The following ABCA4 variants were observed in gnomAD, a reference collection of about 807,000 sequenced individuals.
The protein encoded by ABCA4 is ATP binding cassette subfamily A member 4, also known as retinal-specific phospholipid-transporting ATPase ABCA4.
In ABCA4, 196 loss-of-function variants were observed where a neutral mutation model predicts 263.7. That is an observed-to-expected ratio of 0.74 (90% CI 0.66 to 0.84). The LOEUF (loss-of-function observed/expected upper bound fraction) is 0.84, where lower values mean the gene tolerates loss of function less well. Ranked by LOEUF, ABCA4 falls within the 40% of genes least tolerant of loss-of-function variation. The pLI, the probability that ABCA4 is intolerant of heterozygous loss-of-function variation, is 0.00. For synonymous variants in ABCA4, 1,133 were observed against 1,094.2 expected (o/e 1.04, Z -0.70); for missense variants, 2,792 against 2,855.1 (o/e 0.98, Z 0.50).
intron 14 of ABCA4, among the ~76,000 whole-genome samples, chr1:94,058,287 T>C (rs1291611276): frequency 6.6e-6 from 1 of 152,264 alleles, no homozygotes; most frequent in Non-Finnish European, 1.5e-5. Flanking sequence ...AGTCCATGGC[T>C]GAACATGTGG....
chr1:94,104,818 T>A (rs1208756925), intron 4 of ABCA4, among the ~76,000 whole-genome samples: 1 of 152,116 alleles, frequency 6.6e-6, no homozygotes, highest in African/African-American at 2.4e-5. Flanking sequence ...AAAACATAAA[T>A]CCGGCTGTCT....
chr1:94,030,862 G>A, intron 28 of ABCA4, 134 bp downstream of exon 28: 2 of 1,342,280 alleles, frequency 1.5e-6, no homozygotes, highest in Admixed American at 3.9e-5. Flanking sequence ...CTTTCTGCAG[G>A]CAGCCCAAAG....
rs758431657 is a variant in ABCA4 at position 94,008,245 on chromosome 1, C to T, written c.5888G>A (p.Arg1963His). 2.0e-5 allele frequency: 32 copies of T among 1,613,972 alleles called. No individual in the cohort carries two copies. The highest frequency in any genetic ancestry group is 3.3e-4 in the Middle Eastern group (2 of 6,084). The change falls in exon 42 of 50, where the codon CGC becomes CAC. Residue 1963 changes from arginine to histidine, a missense_variant. By Grantham distance (29) the Arg-to-His change is conservative. Transcript: ENST00000370225. ...PAVDRLCVGV[R>H]PGECFGLLGV... is the part of the protein sequence containing the mutation. ...CTGCAGAGTACCCACCTCTCCAGGG[C>T]GAACTCCGACACACAGCCTGTCCAC...
At position 94,029,521 on chromosome 1, in the gene ABCA4, C is replaced by T. The variant is rs61750147; in HGVS notation, c.4463G>A (p.Cys1488Tyr). The change falls in exon 30 of 50, where the codon TGC (cysteine) becomes TAC (tyrosine). Residue 1488 changes from cysteine to tyrosine, a missense_variant. Coordinates refer to ENST00000370225, the MANE Select transcript of ABCA4 (RefSeq NM_000350.3). ...GAGCTTCTCCCTGGTGCTGCACCTGCAGGATGGTGAAGGGTTGACCTGTGT... is the reference window on the plus strand; with the variant it reads ...GAGCTTCTCCCTGGTGCTGCACCTGTAGGATGGTGAAGGGTTGACCTGTGT... ...KWTQVNPSPS[C>Y]RCSTREKLTM... The T allele has an allele frequency of 2.5e-6, 4 of 1,608,892 alleles. No homozygotes were observed. Among genetic ancestry groups the T allele is most frequent in the Non-Finnish European group, 3.4e-6 (4 of 1,177,484 alleles).
At chr1:94,029,280 C>T (rs952274212) in intron 30 of ABCA4, among the ~76,000 whole-genome samples, 165 bp downstream of exon 30, 13 of 152,154 alleles carry the variant, frequency 8.5e-5, no homozygotes, top group African/African-American at 3.1e-4. Context: ...AGCCACAGCG[C>T]CCTGTGGGGA....
chr1:94,021,088 G>A, intron 35 of ABCA4, 152 bp downstream of exon 35: 1 of 1,024,872 alleles, frequency 9.8e-7, no homozygotes, highest in Non-Finnish European at 1.5e-6. Context: ...GAAGTGTGAG[G>A]CACTTATTTG....
chr1:94,105,851 G>A (rs530516328), intron 4 of ABCA4, among the ~76,000 whole-genome samples: 3 of 152,266 alleles, frequency 2.0e-5, no homozygotes, highest in East Asian at 1.9e-4. Context: ...GTCAACCAGC[G>A]GCATACCTTC....
intron 11 of ABCA4, among the ~76,000 whole-genome samples, chr1:94,076,572 G>T (rs1329233201): frequency 2.0e-5 from 3 of 150,784 alleles, no homozygotes; most frequent in African/African-American, 7.3e-5. Context: ...GAATGGGAAT[G>T]CCTGTAGGCG....
At chr1:93,999,772 T>TC in intron 47 of ABCA4, among the ~76,000 whole-genome samples, 1 of 152,168 alleles carries the variant, frequency 6.6e-6, no homozygotes, top group Non-Finnish European at 1.5e-5. Flanking sequence ...CAGGGAACAC[T>TC]CCCCTCTCAC....
intron 6 of ABCA4, among the ~76,000 whole-genome samples, chr1:94,088,381 G>A (rs1661887192): frequency 6.6e-6 from 1 of 152,028 alleles, no homozygotes; most frequent in Non-Finnish European, 1.5e-5. Context: ...CACACTCCCC[G>A]GATAGTCTCA....
chr1:94,056,853 C>T (rs767433733), intron 14 of ABCA4, 31 bp from the exon 15 acceptor site: 11 of 1,550,614 alleles, frequency 7.1e-6, no homozygotes, highest in Non-Finnish European at 9.6e-6. Flanking sequence ...GTCAGTAACT[C>T]CTGCCCTTGG....
At chr1:94,092,808 T>TG (rs4147881) in intron 6 of ABCA4, among the ~76,000 whole-genome samples, 8 of 152,010 alleles carry the variant, frequency 5.3e-5, no homozygotes, top group African/African-American at 1.4e-4. Context: ...TCTCCTAGTC[T>TG]GGGGGGGTCT....
rs1661568043 is a variant in ABCA4, at chr1:94,077,539, T to C, written c.1554+151A>G. 5 of 696,650 alleles carry C rather than the reference T, an allele frequency of 7.2e-6. No individual in the cohort carries two copies. In the South Asian group the frequency reaches 1.0e-4, roughly 14 times the overall value. The allele number at this position is 696,650 out of a possible 1,614,324, so 43.2% of individuals were successfully genotyped here. ...TAAGTATGGATAAGCTGTTAGAGAA[T>C]GAGAACTGTACAGGGGATGTAGGGA... is the stretch of plus-strand genomic sequence containing the variant. On this transcript the variant is annotated intron_variant, in intron 11 of 49. Transcript: ENST00000370225.
At chr1:94,052,673 G>A (rs1557783201) in intron 16 of ABCA4, among the ~76,000 whole-genome samples, 1 of 152,182 alleles carries the variant, frequency 6.6e-6, no homozygotes, top group Non-Finnish European at 1.5e-5. Context: ...AACAGACTAA[G>A]TTCAAATGTC....
At position 94,081,031 on chromosome 1, in the gene ABCA4, TG is replaced by T. The variant is rs376646039; in HGVS notation, c.859-314del. Reference sequence around the variant, plus strand: ...CGAGGTCAGGAGATCGAGACCATCCTGGCGAACATGGTGAAACCCCGTCTCT... The same window carrying T: ...CGAGGTCAGGAGATCGAGACCATCCTGCGAACATGGTGAAACCCCGTCTCT... On this transcript the variant is annotated intron_variant, in intron 7 of 49. Transcript: ENST00000370225. 7.5e-4 allele frequency among the ~76,000 whole-genome samples: 114 copies of T among 152,186 alleles called. 1 individual carries two copies. The East Asian group carries it at 0.02, about 27-fold the overall frequency.
chr1:94,119,096 A>G (rs550406908), intron 1 of ABCA4, among the ~76,000 whole-genome samples: 181 of 152,346 alleles, frequency 1.2e-3, no homozygotes, highest in African/African-American at 4.2e-3. Context: ...TTGTATACCA[A>G]TGAACCTAGC....
Position 94,078,770 on chromosome 1 carries a change from G to A in ABCA4, c.1240-64C>T, listed in dbSNP as rs955014961. 11 of 1,172,672 alleles carry A rather than the reference G, an allele frequency of 9.4e-6. No homozygotes were observed. In the South Asian group the frequency reaches 1.2e-4, roughly 13 times the overall value. 72.6% of individuals were successfully genotyped at this position (1,172,672 alleles called of 1,614,324 possible). A position where few individuals can be genotyped will look rare whatever the true frequency, so the allele number is the denominator to read the frequency against. Reference sequence around the variant, plus strand: ...AGAGAAAAGTGAGAGAGAACTTTTGGTTGTGTCTTTTCTGCCCCTATCACT... The same window carrying A: ...AGAGAAAAGTGAGAGAGAACTTTTGATTGTGTCTTTTCTGCCCCTATCACT... On this transcript the variant is annotated intron_variant, in intron 9 of 49. Transcript: ENST00000370225.
chr1:94,078,490 A>T, intron 10 of ABCA4, 100 bp downstream of exon 10: 1 of 959,720 alleles, frequency 1.0e-6, no homozygotes, highest in Non-Finnish European at 1.7e-6. Flanking sequence ...TCTAACTCCA[A>T]TAGCGATTAA....
At chr1:94,093,718 C>CA (rs1408247241) in intron 6 of ABCA4, among the ~76,000 whole-genome samples, 3 of 152,226 alleles carry the variant, frequency 2.0e-5, no homozygotes, top group Non-Finnish European at 4.4e-5. Flanking sequence ...GAAAAGACAT[C>CA]AAGGCAGGCA....
Sources: gnomAD v4.1 joint callset for allele counts (sites outside exome capture counted in the v4.1 genomes callset) on GRCh38, gnomAD v4.1.1 for gene constraint, MANE v1.5 for transcripts, NCBI Gene and HGNC (gene_info 2026-07-23, HGNC 2026-07-21) for gene names.